The following PNKD variants were observed in gnomAD, a reference collection of about 807,000 sequenced individuals.
The protein encoded by PNKD is PNKD metallo-beta-lactamase domain containing.
In PNKD, 36 loss-of-function variants were observed where a neutral mutation model predicts 45.3. The observed-to-expected ratio is 0.80, with a 90% CI of 0.61 to 1.05. PNKD has a LOEUF of 1.05. PNKD is among the 50% of genes least tolerant of loss of function. PNKD has a pLI of 0.00. For synonymous variants in PNKD, 197 were observed against 210.1 expected, an observed-to-expected ratio of 0.94 and a Z score of 0.54; for missense variants, 511 against 506.6, an observed-to-expected ratio of 1.01 and a Z score of -0.08.
At chr2:218,275,496 C>T in intron 2 of PNKD, 1 of 1,613,866 alleles carries the variant, frequency 6.2e-7, no homozygotes, top group Non-Finnish European at 8.5e-7. Flanking sequence ...CCCCCATCAG[C>T]TGCAGCACAA....
At chr2:218,280,114 C>T (rs767038598) in intron 2 of PNKD, 3 of 1,614,000 alleles carry the variant, frequency 1.9e-6, no homozygotes, top group South Asian at 2.2e-5. Flanking sequence ...CCCATCATAG[C>T]CATGGCCTGG....
At chr2:218,277,293 C>T in intron 2 of PNKD, 1 of 1,401,896 alleles carries the variant, frequency 7.1e-7, no homozygotes, top group South Asian at 1.2e-5. Flanking sequence ...GGGAACATCC[C>T]TAGTGTGCCG....
At chr2:218,300,627 C>T (rs952338563) in intron 2 of PNKD, among the ~76,000 whole-genome samples, 2 of 151,026 alleles carry the variant, frequency 1.3e-5, no homozygotes, top group Non-Finnish European at 2.9e-5. Flanking sequence ...CTCACTGCAA[C>T]CTCCGTCTCC....
chr2:218,284,648 C>A (rs1467356523), intron 2 of PNKD, among the ~76,000 whole-genome samples: 1 of 152,206 alleles, frequency 6.6e-6, no homozygotes, highest in Non-Finnish European at 1.5e-5. Flanking sequence ...CCAGGCCAGT[C>A]CTTCGGGTAC....
intron 2 of PNKD, chr2:218,278,454 T>C: frequency 4.6e-6 from 7 of 1,532,384 alleles, no homozygotes; most frequent in Non-Finnish European, 6.3e-6. Flanking sequence ...CTTTCCAAAA[T>C]ACTCGGCCCC....
chr2:218,330,465 A>T (rs948305800), intron 2 of PNKD, among the ~76,000 whole-genome samples: 2 of 152,190 alleles, frequency 1.3e-5, no homozygotes, highest in Non-Finnish European at 2.9e-5. Context: ...AGAGACACCA[A>T]CTGCTGGCTC....
chr2:218,278,659 T>A (rs1279715990), intron 2 of PNKD: 60 of 1,402,898 alleles, frequency 4.3e-5, no homozygotes, highest in Middle Eastern at 1.8e-4. Context: ...AAATAGCCGT[T>A]TGGAAGTCTG....
intron 2 of PNKD, 62 bp from the exon 3 acceptor site, chr2:218,339,721 C>T (rs745895912): frequency 1.3e-5 from 13 of 983,646 alleles, no homozygotes; most frequent in Middle Eastern, 2.1e-4. Flanking sequence ...GCAGGCATCA[C>T]GAAGGAGTCT....
chr2:218,328,902 C>CTG (rs10635106), intron 2 of PNKD, among the ~76,000 whole-genome samples: 70,974 of 151,780 alleles, frequency 0.47, 16,601 homozygotes, highest in Middle Eastern at 0.59. Flanking sequence ...TTCCTGACTG[C>CTG]TCTGTGTTCC....
At chr2:218,277,244 TTTG>T in intron 2 of PNKD, 1 of 1,162,244 alleles carries the variant, frequency 8.6e-7, no homozygotes, top group Non-Finnish European at 1.3e-6. Flanking sequence ...AGGACACAGT[TTTG>T]TAGGTGCGGA....
chr2:218,322,003 A>G (rs1171016510), intron 2 of PNKD, among the ~76,000 whole-genome samples: 1 of 139,660 alleles, frequency 7.2e-6, no homozygotes, highest in African/African-American at 2.7e-5. Flanking sequence ...ACTCACCGCA[A>G]CTTCTGCCTC....
intron 2 of PNKD, among the ~76,000 whole-genome samples, chr2:218,303,558 T>A (rs1693328494): frequency 6.9e-6 from 1 of 145,786 alleles, no homozygotes; most frequent in Admixed American, 6.9e-5. Context: ...ACGACCCCCA[T>A]CCCAGACCTG....
At chr2:218,275,450 T>A in intron 2 of PNKD, 2 of 1,604,036 alleles carry the variant, frequency 1.2e-6, no homozygotes, top group Non-Finnish European at 1.7e-6. Context: ...GAGCCCAGGA[T>A]CGGGTGAAAA....
intron 2 of PNKD, chr2:218,272,634 C>T (rs1181802262): frequency 6.2e-7 from 1 of 1,614,112 alleles, no homozygotes; most frequent in Admixed American, 1.7e-5. Flanking sequence ...GGACAAGGAC[C>T]GTGTGAAGCA....
At chr2:218,331,763 C>G (rs1271732823) in intron 2 of PNKD, among the ~76,000 whole-genome samples, 18 of 152,202 alleles carry the variant, frequency 1.2e-4, no homozygotes, top group Admixed American at 1.2e-3. Context: ...CCACCGCGCC[C>G]AGCCATGCTT....
Position 218,331,012 on chromosome 2 carries a change from C to G in PNKD, c.237-8771C>G, listed in dbSNP as rs184116971. On this transcript the variant is annotated intron_variant, in intron 2 of 9. Coordinates refer to ENST00000273077, the MANE Select transcript of PNKD (RefSeq NM_015488.5). ...AGGGGAGTGAGTTCCTGCTTCTTGC[C>G]TCCAGCAACAGAAGAAGCCGTATCT... Among the ~76,000 whole-genome samples, 21 of 152,322 alleles carry G rather than the reference C, an allele frequency of 1.4e-4. No individual in the cohort carries two copies. The East Asian group carries it at 3.3e-3, about 24-fold the overall frequency.
intron 2 of PNKD, among the ~76,000 whole-genome samples, chr2:218,285,553 G>A (rs1315359784): frequency 2.0e-5 from 3 of 152,204 alleles, no homozygotes; most frequent in African/African-American, 4.8e-5. Flanking sequence ...ATACATAAAG[G>A]TCAGAGCTGG....
At chr2:218,327,939 G>A (rs555947897) in intron 2 of PNKD, 2 of 128,406 alleles carry the variant, frequency 1.6e-5, no homozygotes, top group South Asian at 5.2e-4. Context: ...TCCAGCCTGG[G>A]TGATAAGAGT....
chr2:218,307,634 C>T (rs1693455416), intron 2 of PNKD, among the ~76,000 whole-genome samples: 1 of 152,132 alleles, frequency 6.6e-6, no homozygotes, highest in Non-Finnish European at 1.5e-5. Flanking sequence ...GGCCTGGCTC[C>T]TAACAGACCA....
Sources: gnomAD v4.1 joint callset for allele counts (sites outside exome capture counted in the v4.1 genomes callset) on GRCh38, gnomAD v4.1.1 for gene constraint, MANE v1.5 for transcripts, NCBI Gene and HGNC (gene_info 2026-07-23, HGNC 2026-07-21) for gene names.